ARHGEF3: variants seen among roughly 807,000 people sequenced by gnomAD.
ARHGEF3 encodes 59.8 kDA protein.
ARHGEF3 carries 28 observed loss-of-function variants against 63.2 expected under a neutral mutation model. The observed-to-expected ratio is 0.44, with a 90% CI of 0.33 to 0.61. The LOEUF (loss-of-function observed/expected upper bound fraction) is 0.61, where lower values mean the gene tolerates loss of function less well. Among genes scored for constraint, ARHGEF3 ranks in the 20% least tolerant of loss-of-function variants. ARHGEF3 has a pLI of 0.03. For synonymous variants in ARHGEF3, 266 were observed against 254.2 expected, an observed-to-expected ratio of 1.05 and a Z score of -0.44; for missense variants, 533 against 659.3, an observed-to-expected ratio of 0.81 and a Z score of 2.10.
intron 6 of ARHGEF3, among the ~76,000 whole-genome samples, chr3:56,749,116 G>A (rs1022468816): frequency 6.6e-6 from 1 of 152,132 alleles, no homozygotes; most frequent in African/African-American, 2.4e-5. Flanking sequence ...ACATTTAACA[G>A]CTTGTCAGGC....
intron 2 of ARHGEF3, among the ~76,000 whole-genome samples, chr3:56,974,673 GC>G (rs966655079): frequency 6.6e-6 from 1 of 151,540 alleles, no homozygotes; most frequent in Admixed American, 6.6e-5. Flanking sequence ...CCCTCCCCCT[GC>G]CCCCCACATC....
intron 4 of ARHGEF3, among the ~76,000 whole-genome samples, chr3:56,845,108 C>G (rs969082136): frequency 1.3e-5 from 2 of 151,204 alleles, no homozygotes; most frequent in Non-Finnish European, 3.0e-5. Flanking sequence ...GAAACTGAAG[C>G]CCTCAGTCCT....
chr3:57,055,517 A>G (rs1219059072), intron 1 of ARHGEF3, among the ~76,000 whole-genome samples: 1 of 152,146 alleles, frequency 6.6e-6, no homozygotes, highest in African/African-American at 2.4e-5. Flanking sequence ...CATCTCATGT[A>G]GAAATTCTTC....
intron 7 of ARHGEF3, among the ~76,000 whole-genome samples, 184 bp from the exon 8 acceptor site, chr3:56,737,539 AT>A (rs1037682143): frequency 3.9e-5 from 6 of 152,032 alleles, no homozygotes; most frequent in Non-Finnish European, 7.4e-5. Context: ...GCATCTATCT[AT>A]CCATCTGTAC....
chr3:56,933,721 GA>G (rs2042474136), intron 3 of ARHGEF3, among the ~76,000 whole-genome samples: 2 of 152,114 alleles, frequency 1.3e-5, no homozygotes, highest in African/African-American at 4.8e-5. Context: ...TGTCCCAATG[GA>G]AAAATTATTT....
chr3:56,795,651 C>CTTTTT (rs1334745035), intron 1 of ARHGEF3, among the ~76,000 whole-genome samples: 14 of 73,778 alleles, frequency 1.9e-4, no homozygotes, highest in Non-Finnish European at 2.7e-4. Flanking sequence ...CACAGTCTCT[C>CTTTTT]TCTCTTTTTT....
At chr3:56,759,814 G>T (rs952737135) in intron 2 of ARHGEF3, among the ~76,000 whole-genome samples, 1 of 152,176 alleles carries the variant, frequency 6.6e-6, no homozygotes, top group Admixed American at 6.5e-5. Flanking sequence ...CCAAACTGCT[G>T]GGATTACAGG....
In ARHGEF3 at chr3:57,001,516, C is replaced by G. The variant is rs116399508; in HGVS notation, c.62+33572G>C. ...CAGAACTCAACACGTTCCCAAGTTG[C>G]AATTCAACATTCTTACCTTCCCAGA... On this transcript the variant is annotated intron_variant, in intron 2 of 12. Coordinates refer to the ARHGEF3 transcript ENST00000338458. Among the ~76,000 whole-genome samples, 780 of 152,292 alleles carry G rather than the reference C, an allele frequency of 5.1e-3. 7 individuals carry two copies. Among genetic ancestry groups the G allele is most frequent in the African/African-American group, 0.018 (732 of 41,556 alleles).
At chr3:56,749,945 G>A (rs1234492451) in intron 6 of ARHGEF3, among the ~76,000 whole-genome samples, 1 of 150,374 alleles carries the variant, frequency 6.7e-6, no homozygotes, top group African/African-American at 2.5e-5. Context: ...CATGTTAACT[G>A]AAAGGTTTTA....
At chr3:56,880,458 C>A (rs555537989) in intron 4 of ARHGEF3, among the ~76,000 whole-genome samples, 1 of 110,378 alleles carries the variant, frequency 9.1e-6, no homozygotes, top group African/African-American at 2.9e-5. Flanking sequence ...TCCTTTAATA[C>A]AATGTTAGTG....
intron 2 of ARHGEF3, among the ~76,000 whole-genome samples, chr3:57,002,498 T>TATATATATATATA (rs747886010): frequency 7.4e-4 from 10 of 13,500 alleles, no homozygotes; most frequent in African/African-American, 2.2e-3. Context: ...TATATATATG[T>TATATATATATATA]TATATATATA....
chr3:56,748,941 C>T (rs1216336819), intron 6 of ARHGEF3, among the ~76,000 whole-genome samples: 3 of 107,246 alleles, frequency 2.8e-5, no homozygotes, highest in Non-Finnish European at 3.6e-5. Context: ...TTTTCCTTTG[C>T]GGAGAAAATA....
intron 1 of ARHGEF3, among the ~76,000 whole-genome samples, chr3:57,037,360 T>C (rs1704003851): frequency 1.3e-5 from 2 of 152,190 alleles, no homozygotes; most frequent in Non-Finnish European, 1.5e-5. Flanking sequence ...GGTTGCTCAG[T>C]GTCCCAAGCT....
At chr3:56,936,712 C>T (rs191916390) in intron 3 of ARHGEF3, among the ~76,000 whole-genome samples, 1 of 152,338 alleles carries the variant, frequency 6.6e-6, no homozygotes, top group Admixed American at 6.5e-5. Context: ...CTGTGAGACA[C>T]ATTCCAAAGT....
In ARHGEF3 at chr3:56,729,947, G is replaced by T. The variant is rs190761212; in HGVS notation, c.1229-325C>A. On this transcript the variant is annotated intron_variant, in intron 9 of 9. Coordinates refer to ENST00000296315, the MANE Select transcript of ARHGEF3 (RefSeq NM_019555.3). ...CTGGCTGCATAACAAAATCCCTTGG[G>T]GTGAGAGCTTGTTAAAAAGACAGAT... is the stretch of plus-strand genomic sequence containing the variant. 5.5e-3 allele frequency among the ~76,000 whole-genome samples: 845 copies of T among 152,272 alleles called. 4 individuals carry two copies. The highest frequency in any genetic ancestry group is 0.017 in the Middle Eastern group (5 of 294).
chr3:57,022,694 C>T (rs569047887), intron 2 of ARHGEF3, among the ~76,000 whole-genome samples: 7 of 150,906 alleles, frequency 4.6e-5, no homozygotes, highest in South Asian at 2.1e-4. Context: ...ACCAATCTCC[C>T]GAGACTGCCC....
At chr3:56,733,712 A>C (rs772345404) in intron 8 of ARHGEF3, among the ~76,000 whole-genome samples, 88 of 151,960 alleles carry the variant, frequency 5.8e-4, no homozygotes, top group Non-Finnish European at 1.2e-3. Flanking sequence ...GGCTGGGCAC[A>C]GTGGCTCACG....
At chr3:56,855,849 C>T (rs981042870) in intron 4 of ARHGEF3, among the ~76,000 whole-genome samples, 4 of 152,148 alleles carry the variant, frequency 2.6e-5, no homozygotes, top group African/African-American at 4.8e-5. Context: ...ATGATGATGA[C>T]ACAGTTACCG....
At chr3:56,999,473 T>C (rs1016506957) in intron 2 of ARHGEF3, among the ~76,000 whole-genome samples, 6 of 152,214 alleles carry the variant, frequency 3.9e-5, no homozygotes, top group African/African-American at 1.4e-4. Context: ...TAATTCCAAA[T>C]ATAACCTTCG....
Sources: gnomAD v4.1 joint callset for allele counts (sites outside exome capture counted in the v4.1 genomes callset) on GRCh38, gnomAD v4.1.1 for gene constraint, MANE v1.5 for transcripts, NCBI Gene and HGNC (gene_info 2026-07-23, HGNC 2026-07-21) for gene names.